Variants in TRABD2A observed in about 807,000 individuals in gnomAD.
TRABD2A encodes metalloprotease TIKI1.
TRABD2A carries 43 observed loss-of-function variants against 45.6 expected under a neutral mutation model. The observed-to-expected ratio is 0.94, with a 90% CI of 0.74 to 1.22. The LOEUF (loss-of-function observed/expected upper bound fraction) is 1.22, where lower values mean the gene tolerates loss of function less well. Ranked by LOEUF, TRABD2A falls within the 50% of genes most tolerant of loss-of-function variation. The probability of loss-of-function intolerance (pLI) is 0.00; values close to 1 mark genes in which losing one functional copy is unlikely to be tolerated. For missense variants in TRABD2A, 642 were observed against 652.4 expected, an observed-to-expected ratio of 0.98 and a Z score of 0.17; for synonymous variants, 269 against 265.0, an observed-to-expected ratio of 1.02 and a Z score of -0.15.
chr2:84,848,469 C>CT (rs1410290912), intron 2 of TRABD2A, among the ~76,000 whole-genome samples: 4 of 150,164 alleles, frequency 2.7e-5, no homozygotes, highest in African/African-American at 9.8e-5. Context: ...CAAACAAAGG[C>CT]TTTAGTCAAT....
intron 1 of TRABD2A, among the ~76,000 whole-genome samples, chr2:84,880,695 C>T (rs761076238): frequency 6.6e-6 from 1 of 152,186 alleles, no homozygotes; most frequent in Non-Finnish European, 1.5e-5. Flanking sequence ...CTTGGGCTGG[C>T]GGAGGGCAAA....
intron 4 of TRABD2A, chr2:84,835,347 T>G (rs1327724120): frequency 6.6e-6 from 1 of 152,116 alleles, no homozygotes; most frequent in East Asian, 1.9e-4. Flanking sequence ...CAATAGAAAT[T>G]TATTTCTCAC....
chr2:84,832,197 A>G (rs1405900069), intron 4 of TRABD2A, 52 bp from the exon 5 acceptor site: 2 of 1,579,740 alleles, frequency 1.3e-6, no homozygotes, highest in East Asian at 2.2e-5. Flanking sequence ...ACCACCAAAC[A>G]TACTCCCCAA....
At chr2:84,832,017 T>C in intron 5 of TRABD2A, 38 bp downstream of exon 5, 1 of 1,611,566 alleles carries the variant, frequency 6.2e-7, no homozygotes, top group Non-Finnish European at 8.5e-7. Context: ...CATGAGGGTC[T>C]CAGCTCCCCA....
At chr2:84,831,776 C>A (rs1183578442) in intron 5 of TRABD2A, among the ~76,000 whole-genome samples, 3 of 152,154 alleles carry the variant, frequency 2.0e-5, no homozygotes, top group Non-Finnish European at 4.4e-5. Context: ...CCCTGGGCAA[C>A]CTTCCCTTCA....
chr2:84,858,865 C>T (rs1682402160), intron 2 of TRABD2A, among the ~76,000 whole-genome samples: 1 of 152,230 alleles, frequency 6.6e-6, no homozygotes, highest in South Asian at 2.1e-4. Flanking sequence ...CAGTGGTCCA[C>T]ACCTGTAATC....
intron 2 of TRABD2A, among the ~76,000 whole-genome samples, chr2:84,864,439 T>G (rs1682603774): frequency 6.6e-6 from 1 of 152,220 alleles, no homozygotes; most frequent in Admixed American, 6.5e-5. Context: ...TTGCTGGCTC[T>G]GGGTCTCTTC....
intron 1 of TRABD2A, among the ~76,000 whole-genome samples, chr2:84,876,550 G>C (rs1683032823): frequency 6.6e-6 from 1 of 152,192 alleles, no homozygotes; most frequent in Admixed American, 6.5e-5. Flanking sequence ...AGTCACTAGG[G>C]ACTCAGACAA....
At chr2:84,868,144 A>G (rs915654484) in intron 2 of TRABD2A, among the ~76,000 whole-genome samples, 4 of 152,218 alleles carry the variant, frequency 2.6e-5, no homozygotes, top group African/African-American at 9.6e-5. Context: ...ACACATGTTT[A>G]TTGTGGCACT....
intron 2 of TRABD2A, among the ~76,000 whole-genome samples, chr2:84,868,544 A>G (rs1265370807): frequency 1.3e-5 from 2 of 148,498 alleles, no homozygotes; most frequent in African/African-American, 2.6e-5. Context: ...TAATTAGTTA[A>G]TTAACTAGTT....
intron 5 of TRABD2A, among the ~76,000 whole-genome samples, chr2:84,829,132 C>A (rs1165140092): frequency 1.3e-5 from 2 of 152,084 alleles, no homozygotes; most frequent in Non-Finnish European, 2.9e-5. Context: ...ACTTCCCTTG[C>A]GGGCTGGTTT....
intron 6 of TRABD2A, among the ~76,000 whole-genome samples, 195 bp downstream of exon 6, chr2:84,823,758 C>G (rs1042487973): frequency 6.6e-6 from 1 of 152,190 alleles, no homozygotes; most frequent in African/African-American, 2.4e-5. Flanking sequence ...TGCCCTTGCC[C>G]TGGCTTGAAG....
intron 2 of TRABD2A, among the ~76,000 whole-genome samples, chr2:84,857,919 G>A (rs574726485): frequency 7.9e-5 from 12 of 152,076 alleles, no homozygotes; most frequent in African/African-American, 2.7e-4. Flanking sequence ...TCTGTCACCC[G>A]GGCCAGAATG....
In TRABD2A at chr2:84,831,615, G is replaced by A. The variant is rs951491295; in HGVS notation, c.1082+440C>T. ...GGTGCTTTCTCCTGCCCCTGAGAAG[G>A]GTGAGACATGCACTCCCTGCACCCC... On this transcript the variant is annotated intron_variant, in intron 5 of 6. Coordinates refer to ENST00000409520, the MANE Select transcript of TRABD2A (RefSeq NM_001277053.2). 3.9e-5 allele frequency among the ~76,000 whole-genome samples: 6 copies of A among 151,912 alleles called. No homozygotes were observed. The South Asian group carries it at 1.2e-3, about 32-fold the overall frequency.
At chr2:84,842,516 T>C (rs1225472462) in intron 2 of TRABD2A, among the ~76,000 whole-genome samples, 1 of 151,988 alleles carries the variant, frequency 6.6e-6, no homozygotes, top group Non-Finnish European at 1.5e-5. Context: ...AAATGAAGGC[T>C]AAAGAAAATT....
chr2:84,870,864 G>C, intron 1 of TRABD2A, 79 bp from the exon 2 acceptor site: 2 of 1,317,922 alleles, frequency 1.5e-6, no homozygotes, highest in Non-Finnish European at 2.0e-6. Context: ...AAATGAATCA[G>C]TCACATTTCA....
Position 84,878,397 on chromosome 2 carries a change from C to T in TRABD2A, c.108+2535G>A, listed in dbSNP as rs187217955. Among the ~76,000 whole-genome samples, 8 of 151,892 alleles carry T rather than the reference C, an allele frequency of 5.3e-5. 1 individual carries two copies. The highest frequency in any genetic ancestry group is 1.9e-4 in the East Asian group (1 of 5,170). The stretch of plus-strand genomic sequence containing the variant: ...AAAATTAGCCGGGCTTGGTGGTGGG[C>T]GCCTGTAATCCCAGCTGCTCAGGAG... On this transcript the variant is annotated intron_variant, in intron 1 of 6. Transcript: ENST00000409520.
chr2:84,838,866 G>T (rs1243974610), intron 4 of TRABD2A, among the ~76,000 whole-genome samples: 3 of 152,218 alleles, frequency 2.0e-5, no homozygotes, highest in Admixed American at 6.5e-5. Flanking sequence ...TTGGGATTAA[G>T]TATGAAATTC....
chr2:84,872,891 G>T (rs893759838), intron 1 of TRABD2A, among the ~76,000 whole-genome samples: 1 of 152,136 alleles, frequency 6.6e-6, no homozygotes, highest in Non-Finnish European at 1.5e-5. Context: ...GAGGCGGGGG[G>T]ATTGCCTGAG....
Sources: allele counts gnomAD v4.1 joint callset (sites outside exome capture counted in the v4.1 genomes callset), GRCh38; gene constraint gnomAD v4.1.1; transcripts MANE v1.5; gene names NCBI Gene and HGNC (gene_info 2026-07-23, HGNC 2026-07-21).